Variants in MRS2 observed in about 807,000 individuals in gnomAD.
MRS2 encodes the protein magnesium transporter MRS2 homolog, mitochondrial.
In MRS2, 40 loss-of-function variants were observed where a neutral mutation model predicts 52.6. The ratio of observed to expected loss-of-function variants is 0.76; its 90% CI spans 0.59 to 0.99. The LOEUF (loss-of-function observed/expected upper bound fraction) is 0.99. Among genes scored for constraint, MRS2 ranks in the 50% least tolerant of loss-of-function variants. MRS2 has a pLI of 0.00. For synonymous variants in MRS2, 193 were observed against 195.9 expected (o/e 0.98, Z 0.13); for missense variants, 472 against 532.7 (o/e 0.89, Z 1.12).
chr6:24,420,129 CATCTTG>C (rs1761994868), intron 9 of MRS2, among the ~76,000 whole-genome samples: 1 of 152,176 alleles, frequency 6.6e-6, no homozygotes. Context: ...CCGACTTGTC[CATCTTG>C]TGGGTAGCCA....
At position 24,408,463 on chromosome 6, in the gene MRS2, A is replaced by G. The variant is rs2127284211; in HGVS notation, c.301+19A>G. 1.3e-6 allele frequency: 2 copies of G among 1,550,306 alleles called. No individual in the cohort carries two copies. Among genetic ancestry groups the G allele is most frequent in the East Asian group, 4.5e-5 (2 of 44,462 alleles). The stretch of plus-strand genomic sequence containing the variant: ...TCTTTTGGTGAGTGATTAGCATTCT[A>G]AATCATTTTTTAAACATTTAATGAG... On this transcript the variant is annotated intron_variant, in intron 3 of 10. Transcript: ENST00000378386.
At position 24,403,251 on chromosome 6, in the gene MRS2, C is replaced by T. The variant is rs767253945; in HGVS notation, c.190+15C>T. 9 of 1,582,324 alleles carry T rather than the reference C, an allele frequency of 5.7e-6. No individual in the cohort carries two copies. Among genetic ancestry groups the T allele is most frequent in the Admixed American group, 1.7e-5 (1 of 57,768 alleles). On this transcript the variant is annotated intron_variant, in intron 1 of 10. Transcript: ENST00000378386. The stretch of plus-strand genomic sequence containing the variant: ...CCGCGTGGCAGGTACTGCCCTTCCC[C>T]GGCAACAGCCTTGGGACGCTGGTCT...
At chr6:24,413,436 A>G (rs1761733535) in intron 5 of MRS2, among the ~76,000 whole-genome samples, 1 of 152,168 alleles carries the variant, frequency 6.6e-6, no homozygotes, top group African/African-American at 2.4e-5. Flanking sequence ...CTCAAAAGGG[A>G]TAAGTTTTCG....
intron 10 of MRS2, chr6:24,423,340 G>A: frequency 2.1e-6 from 1 of 479,342 alleles, no homozygotes; most frequent in Non-Finnish European, 3.7e-6. Flanking sequence ...ACAGATGTTA[G>A]TAATTCTGGT....
rs1762097209 is a variant in MRS2, at chr6:24,422,942, T to C, written c.1113T>C (p.His371=). 5 of 1,611,782 alleles carry C rather than the reference T, an allele frequency of 3.1e-6. No individual in the cohort carries two copies. The highest frequency in any genetic ancestry group is 2.7e-5 in the African/African-American group (2 of 74,950). The change falls in exon 10 of 11, where the codon CAT becomes CAC. Residue 371 remains histidine, a synonymous_variant. Coordinates refer to ENST00000378386, the MANE Select transcript of MRS2 (RefSeq NM_020662.4). ...MNLESSLEED[H]RIFWLITGIM... ...TGAACTGTGTTCTCTTTTAGGACCA[T>C]AGAATTTTTTGGCTGATTACAGGAA...
chr6:24,408,351 A>C (rs1761542284), intron 2 of MRS2, 57 bp from the exon 3 acceptor site: 3 of 1,130,872 alleles, frequency 2.7e-6, no homozygotes, highest in Non-Finnish European at 4.0e-6. Context: ...TAGCAATACC[A>C]TAAGTAGCAT....
intron 5 of MRS2, among the ~76,000 whole-genome samples, chr6:24,413,665 G>C (rs1761741418): frequency 6.6e-6 from 1 of 151,230 alleles, no homozygotes; most frequent in African/African-American, 2.4e-5. Flanking sequence ...TCTTAACCCG[G>C]AAGCAGTTCC....
rs548359926 is a variant in MRS2 at position 24,422,901 on chromosome 6, C to T, written c.1108-36C>T. Reference sequence around the variant, plus strand: ...TCAAGGAATCTTCTAAGGAACCTGGCGTTTTGCGATGGAAATGAACTGTGT... The same window carrying T: ...TCAAGGAATCTTCTAAGGAACCTGGTGTTTTGCGATGGAAATGAACTGTGT... On this transcript the variant is annotated intron_variant, in intron 9 of 10. Transcript: ENST00000378386. 655 of 1,407,494 alleles carry T rather than the reference C, an allele frequency of 4.7e-4. 4 individuals carry two copies. The South Asian group carries it at 7.2e-3, about 16-fold the overall frequency. 87.2% of individuals were successfully genotyped at this position (1,407,494 alleles called of 1,614,324 possible).
In MRS2 at chr6:24,424,586, T is replaced by C. The variant is rs1762165210; in HGVS notation, c.*892T>C. The C allele has an allele frequency of 1.3e-5, 2 of 152,182 alleles. No individual in the cohort carries two copies. Among genetic ancestry groups the C allele is most frequent in the African/African-American group, 4.8e-5 (2 of 41,446 alleles). The allele number at this position is 152,182 out of a possible 1,614,324, so 9.4% of individuals were successfully genotyped here. On this transcript the variant is annotated 3_prime_UTR_variant, in exon 11 of 11. Transcript: ENST00000378386. ...CTTCTCATTTCCACAGAGATTTGGGTTTAAAACAAATGGCTAATATTTGTA... is the reference window on the plus strand; with the variant it reads ...CTTCTCATTTCCACAGAGATTTGGGCTTAAAACAAATGGCTAATATTTGTA...
chr6:24,423,333 G>T (rs1762118014), intron 10 of MRS2: 1 of 463,534 alleles, frequency 2.2e-6, no homozygotes, highest in African/African-American at 2.0e-5. Flanking sequence ...CATTTAAACA[G>T]ATGTTAGTAA....
chr6:24,407,819 C>T (rs1761526640), intron 2 of MRS2, among the ~76,000 whole-genome samples: 1 of 152,144 alleles, frequency 6.6e-6, no homozygotes, highest in Admixed American at 6.5e-5. Flanking sequence ...GTCTTTGCAG[C>T]CATCCAGGGG....
At chr6:24,409,369 T>G (rs772736198) in intron 3 of MRS2, 92 bp from the exon 4 acceptor site, 87 of 632,816 alleles carry the variant, frequency 1.4e-4, no homozygotes, top group Non-Finnish European at 2.1e-4. Context: ...AACCAAAAAT[T>G]GTCTTGATGG....
chr6:24,412,621 A>C (rs1761705595), intron 5 of MRS2, among the ~76,000 whole-genome samples: 1 of 152,236 alleles, frequency 6.6e-6, no homozygotes, highest in East Asian at 1.9e-4. Flanking sequence ...AATGCTTGAC[A>C]TGTGATAATT....
In MRS2 at chr6:24,418,587, GTAT is replaced by G. The variant is rs779834823; in HGVS notation, c.1107+17_1107+19del. 42 of 1,595,204 alleles carry G rather than the reference GTAT, an allele frequency of 2.6e-5. No individual in the cohort carries two copies. Among genetic ancestry groups the G allele is most frequent in the East Asian group, 6.7e-5 (3 of 44,758 alleles). On this transcript the variant is annotated intron_variant, in intron 9 of 10. Coordinates refer to ENST00000378386, the MANE Select transcript of MRS2 (RefSeq NM_020662.4). ...AATCTTCCCTTGAAGAGGTGAGAAT[GTAT>G]TATTATTTCTAAAACTTGGGGGTTT...
At chr6:24,413,494 T>C (rs1761736262) in intron 5 of MRS2, among the ~76,000 whole-genome samples, 1 of 152,140 alleles carries the variant, frequency 6.6e-6, no homozygotes, top group Non-Finnish European at 1.5e-5. Context: ...AGACATACCA[T>C]GAGTAGATAT....
chr6:24,412,091 A>G (rs1761679512), intron 4 of MRS2, 131 bp from the exon 5 acceptor site: 2 of 486,130 alleles, frequency 4.1e-6, no homozygotes, highest in African/African-American at 4.0e-5. Context: ...ACCAAATTTT[A>G]TGAATGTTCT....
intron 9 of MRS2, among the ~76,000 whole-genome samples, chr6:24,419,875 A>C (rs972786743): frequency 2.0e-5 from 3 of 152,204 alleles, no homozygotes; most frequent in Non-Finnish European, 4.4e-5. Context: ...GTGTTTTCAC[A>C]GAATAGCTTA....
chr6:24,418,648 T>C (rs1761940379), intron 9 of MRS2, 70 bp downstream of exon 9: 1 of 1,206,586 alleles, frequency 8.3e-7, no homozygotes, highest in Non-Finnish European at 1.2e-6. Flanking sequence ...TCAGTAATCC[T>C]AGCACTTTAG....
At chr6:24,417,951 A>AAGAC (rs1554126459) in intron 7 of MRS2, 133 bp from the exon 8 acceptor site, 207 of 421,342 alleles carry the variant, frequency 4.9e-4, no homozygotes, top group Middle Eastern at 1.2e-3. Context: ...AAAAAAAAAA[A>AAGAC]AAGACAAGAC....
Sources: allele counts gnomAD v4.1 joint callset (sites outside exome capture counted in the v4.1 genomes callset), GRCh38; gene constraint gnomAD v4.1.1; transcripts MANE v1.5; gene names NCBI Gene and HGNC (gene_info 2026-07-23, HGNC 2026-07-21).